The following AOPEP variants were observed in gnomAD, a reference collection of about 807,000 sequenced individuals.
The protein encoded by AOPEP is aminopeptidase O.
AOPEP carries 77 observed loss-of-function variants against 98.1 expected under a neutral mutation model. The observed-to-expected ratio is 0.78, with a 90% CI of 0.65 to 0.95. The LOEUF (loss-of-function observed/expected upper bound fraction) is 0.95. Among genes scored for constraint, AOPEP ranks in the 40% least tolerant of loss-of-function variants. The pLI, the probability that AOPEP is intolerant of heterozygous loss-of-function variation, is 0.00. For synonymous variants in AOPEP, 346 were observed against 365.3 expected, an observed-to-expected ratio of 0.95 and a Z score of 0.60; for missense variants, 1,024 against 1,024.7, an observed-to-expected ratio of 1.00 and a Z score of 0.01.
chr9:94,958,990 T>A (rs944886930), intron 9 of AOPEP, among the ~76,000 whole-genome samples: 2 of 152,114 alleles, frequency 1.3e-5, no homozygotes, highest in African/African-American at 4.8e-5. Flanking sequence ...GTTTTTTTTT[T>A]AAGAGTTTTA....
intron 6 of AOPEP, 89 bp downstream of exon 6, chr9:94,924,264 C>A: frequency 8.8e-7 from 1 of 1,131,772 alleles, no homozygotes; most frequent in Non-Finnish European, 1.2e-6. Context: ...GGACTGAGGG[C>A]CTACTATGCA....
chr9:94,785,579 G>A (rs998169627), intron 3 of AOPEP, among the ~76,000 whole-genome samples: 1 of 152,202 alleles, frequency 6.6e-6, no homozygotes, highest in African/African-American at 2.4e-5. Flanking sequence ...GGCGGCTTGT[G>A]CCTGAAGTTA....
chr9:94,856,241 G>C (rs1047455265), intron 5 of AOPEP, among the ~76,000 whole-genome samples: 2 of 152,152 alleles, frequency 1.3e-5, no homozygotes, highest in Non-Finnish European at 1.5e-5. Flanking sequence ...TTTTTCTTCA[G>C]TGTGGCGGGT....
intron 5 of AOPEP, among the ~76,000 whole-genome samples, chr9:94,909,820 TAA>T (rs142839904): frequency 0.033 from 4,949 of 152,208 alleles, 204 homozygotes; most frequent in African/African-American, 0.096. Flanking sequence ...CTTGCAGACT[TAA>T]ACGGCTGTCA....
intron 5 of AOPEP, among the ~76,000 whole-genome samples, chr9:94,837,746 C>T (rs949612234): frequency 1.4e-4 from 22 of 152,292 alleles, no homozygotes; most frequent in Non-Finnish European, 5.9e-5. Flanking sequence ...AATTGGCATA[C>T]GAGGGACATA....
intron 10 of AOPEP, among the ~76,000 whole-genome samples, chr9:94,968,005 G>C (rs2059312441): frequency 6.6e-6 from 1 of 152,122 alleles, no homozygotes; most frequent in Admixed American, 6.6e-5. Context: ...CAGTGTGCAC[G>C]ACTGAAGATC....
At chr9:95,035,912 A>G (rs1295036889) in intron 13 of AOPEP, among the ~76,000 whole-genome samples, 1 of 151,974 alleles carries the variant, frequency 6.6e-6, no homozygotes, top group Non-Finnish European at 1.5e-5. Context: ...TCACTCAGTT[A>G]TGACAGACTT....
chr9:94,968,808 G>A (rs1048055442), intron 10 of AOPEP, among the ~76,000 whole-genome samples: 19 of 152,090 alleles, frequency 1.2e-4, no homozygotes, highest in African/African-American at 3.9e-4. Flanking sequence ...ATAATCCTCT[G>A]TGTATCAGGC....
At chr9:95,146,475 G>A in the AOPEP span, among the ~76,000 whole-genome samples, 1 of 82,946 alleles carries the variant, frequency 1.2e-5, no homozygotes, top group African/African-American at 5.2e-5. Context: ...GTGACAGAGT[G>A]AGACCCCATC....
chr9:94,821,292 G>C (rs913477040), intron 5 of AOPEP, among the ~76,000 whole-genome samples: 1 of 152,198 alleles, frequency 6.6e-6, no homozygotes, highest in Non-Finnish European at 1.5e-5. Context: ...TCAGTGGTGA[G>C]CAGGCAAGAG....
At chr9:94,984,216 A>T (rs1013539807) in intron 11 of AOPEP, among the ~76,000 whole-genome samples, 19 of 151,722 alleles carry the variant, frequency 1.3e-4, no homozygotes, top group African/African-American at 4.6e-4. Context: ...GTATTTTTTA[A>T]TAGAGACGGG....
intron 14 of AOPEP, among the ~76,000 whole-genome samples, chr9:95,079,024 T>C (rs1438803304): frequency 6.6e-6 from 1 of 152,204 alleles, no homozygotes; most frequent in Non-Finnish European, 1.5e-5. Flanking sequence ...TGGAAAGATT[T>C]TGCCGTCCCA....
intron 3 of AOPEP, among the ~76,000 whole-genome samples, chr9:94,791,165 A>G (rs1845627786): frequency 6.6e-6 from 1 of 152,202 alleles, no homozygotes; most frequent in African/African-American, 2.4e-5. Context: ...AGTCATAAAA[A>G]AGAATGAGAT....
intron 5 of AOPEP, among the ~76,000 whole-genome samples, chr9:94,909,400 A>G (rs2051674909): frequency 6.6e-6 from 1 of 151,694 alleles, no homozygotes; most frequent in Non-Finnish European, 1.5e-5. Flanking sequence ...AATTAGGTAA[A>G]CCATTATGGT....
intron 5 of AOPEP, among the ~76,000 whole-genome samples, chr9:94,868,106 A>C (rs1159646167): frequency 6.6e-6 from 1 of 152,230 alleles, no homozygotes; most frequent in Non-Finnish European, 1.5e-5. Context: ...GCTGCAAATG[A>C]ACGAATCCAA....
At chr9:94,845,008 T>TG (rs1179474031) in intron 5 of AOPEP, among the ~76,000 whole-genome samples, 2 of 152,248 alleles carry the variant, frequency 1.3e-5, no homozygotes, top group Non-Finnish European at 2.9e-5. Context: ...ACACCTACTA[T>TG]GTGCAAGCAC....
chr9:95,141,147 C>T, the AOPEP span, among the ~76,000 whole-genome samples: 1 of 151,150 alleles, frequency 6.6e-6, no homozygotes, highest in Admixed American at 6.6e-5. Flanking sequence ...CAGTCTCTAC[C>T]AGAAATACAA....
the AOPEP span, chr9:95,101,992 G>A: frequency 2.1e-6 from 2 of 967,558 alleles, no homozygotes; most frequent in Admixed American, 2.0e-5. Flanking sequence ...AAGCATCAGG[G>A]GCTCTAGTTT....
chr9:94,786,997 T>TA lies in AOPEP; in HGVS notation c.965-5759dup, dbSNP rs995681113. 2.6e-4 allele frequency among the ~76,000 whole-genome samples: 39 copies of TA among 151,636 alleles called. No individual in the cohort carries two copies. In the East Asian group the frequency reaches 6.4e-3, roughly 25 times the overall value. On this transcript the variant is annotated intron_variant, in intron 3 of 16. Transcript: ENST00000375315. ...GAGGAACTTTAGGAATCTAAGAAAA[T>TA]AAAAAAAAACTTGCGCGCTGTATAG...
Sources: gnomAD v4.1 joint callset for allele counts (sites outside exome capture counted in the v4.1 genomes callset) on GRCh38, gnomAD v4.1.1 for gene constraint, MANE v1.5 for transcripts, NCBI Gene and HGNC (gene_info 2026-07-23, HGNC 2026-07-21) for gene names.